SLC10A7: variants seen among roughly 807,000 people sequenced by gnomAD.
SLC10A7 encodes sodium/bile acid cotransporter 7.
In SLC10A7, 29 loss-of-function variants were observed where a neutral mutation model predicts 43.2. The ratio of observed to expected loss-of-function variants is 0.67; its 90% CI spans 0.50 to 0.92. The LOEUF is 0.92. Among genes scored for constraint, SLC10A7 ranks in the 40% least tolerant of loss-of-function variants. The pLI is 0.00. For missense variants in SLC10A7, 295 were observed against 403.2 expected, an observed-to-expected ratio of 0.73 and a Z score of 2.30; for synonymous variants, 152 against 144.8, an observed-to-expected ratio of 1.05 and a Z score of -0.35.
intron 6 of SLC10A7, among the ~76,000 whole-genome samples, chr4:146,323,562 C>T (rs1732887991): frequency 6.6e-6 from 1 of 152,132 alleles, no homozygotes; most frequent in African/African-American, 2.4e-5. Flanking sequence ...TTTCTGAGGG[C>T]TTTGTTCTGT....
chr4:146,467,845 G>A (rs773169964), intron 4 of SLC10A7, among the ~76,000 whole-genome samples: 4 of 152,186 alleles, frequency 2.6e-5, no homozygotes, highest in Non-Finnish European at 4.4e-5. Context: ...TTACAGGCAT[G>A]AGCCACCGCA....
intron 4 of SLC10A7, among the ~76,000 whole-genome samples, chr4:146,445,637 C>T (rs1730985646): frequency 1.3e-5 from 2 of 152,046 alleles, no homozygotes; most frequent in Admixed American, 6.5e-5. Context: ...CTCTTGGTAC[C>T]CGAGTTCTTG....
rs553382664 is a variant in SLC10A7, at chr4:146,281,274, T to A, written c.847+1918A>T. On this transcript the variant is annotated intron_variant, in intron 10 of 11. Coordinates refer to ENST00000335472, the MANE Select transcript of SLC10A7 (RefSeq NM_001029998.6). ...CACACTGCTGTGTGCTTCCTGAGTA[T>A]GCGTTTTGCTCTTTGTTCAGCACAA... Among the ~76,000 whole-genome samples the A allele has an allele frequency of 3.3e-5, 5 of 152,238 alleles. No homozygotes were observed. The East Asian group carries it at 9.6e-4, about 29-fold the overall frequency.
chr4:146,303,622 C>T (rs1277534611), intron 7 of SLC10A7, among the ~76,000 whole-genome samples: 4 of 152,038 alleles, frequency 2.6e-5, no homozygotes, highest in Admixed American at 1.3e-4. Flanking sequence ...TCAGGTGATC[C>T]GCCCATCTCA....
chr4:146,388,501 G>A (rs1033146821), intron 5 of SLC10A7, among the ~76,000 whole-genome samples: 1 of 152,150 alleles, frequency 6.6e-6, no homozygotes, highest in Non-Finnish European at 1.5e-5. Context: ...GATCACGCCT[G>A]TAATCCCAGG....
chr4:146,424,733 T>G lies in SLC10A7; in HGVS notation c.435+18050A>C, dbSNP rs538440186. ...ACCATGAGTTAAATATAAAACCATA[T>G]TTGAGACTCTGAAAATGAACTGACT... is the stretch of plus-strand genomic sequence containing the variant. On this transcript the variant is annotated intron_variant, in intron 5 of 11. Transcript: ENST00000335472. 1.2e-4 allele frequency among the ~76,000 whole-genome samples: 19 copies of G among 152,082 alleles called. No homozygotes were observed. In the South Asian group the frequency reaches 2.7e-3, roughly 22 times the overall value.
intron 5 of SLC10A7, among the ~76,000 whole-genome samples, chr4:146,412,412 GTAATGACTGA>G (rs1728261810): frequency 6.6e-6 from 1 of 152,092 alleles, no homozygotes. Flanking sequence ...GCCATTAACT[GTAATGACTGA>G]TAACATTTAT....
intron 4 of SLC10A7, among the ~76,000 whole-genome samples, chr4:146,443,645 C>T (rs958092570): frequency 2.0e-5 from 3 of 152,110 alleles, no homozygotes; most frequent in Non-Finnish European, 4.4e-5. Flanking sequence ...ATACCCAGAG[C>T]AGAATTAAAT....
intron 5 of SLC10A7, among the ~76,000 whole-genome samples, chr4:146,369,946 C>T (rs909245435): frequency 5.9e-5 from 9 of 152,008 alleles, no homozygotes; most frequent in African/African-American, 2.2e-4. Flanking sequence ...GTTAACCTAC[C>T]AATTTAAACA....
At chr4:146,418,488 TA>T (rs564860839) in intron 5 of SLC10A7, among the ~76,000 whole-genome samples, 121 of 152,326 alleles carry the variant, frequency 7.9e-4, no homozygotes, top group Non-Finnish European at 1.5e-3. Context: ...TGTTTTAGCC[TA>T]AAAGCTACAT....
chr4:146,256,554 A>T, intron 11 of SLC10A7, 34 bp from the exon 12 acceptor site: 1 of 1,611,734 alleles, frequency 6.2e-7, no homozygotes, highest in Non-Finnish European at 8.5e-7. Flanking sequence ...AGAGTTGGAC[A>T]GTATCCATGA....
At chr4:146,313,529 T>A (rs889458288) in intron 6 of SLC10A7, among the ~76,000 whole-genome samples, 2 of 152,158 alleles carry the variant, frequency 1.3e-5, no homozygotes, top group South Asian at 2.1e-4. Flanking sequence ...ATGGCTAGTT[T>A]TTTTTCAAGT....
intron 5 of SLC10A7, among the ~76,000 whole-genome samples, chr4:146,334,032 C>G (rs150122671): frequency 3.5e-4 from 53 of 152,086 alleles, no homozygotes; most frequent in African/African-American, 1.2e-3. Flanking sequence ...GGGAGAGTGT[C>G]AAAACAGAAG....
At chr4:146,457,283 G>C (rs1732146108) in intron 4 of SLC10A7, among the ~76,000 whole-genome samples, 1 of 150,836 alleles carries the variant, frequency 6.6e-6, no homozygotes, top group South Asian at 2.1e-4. Flanking sequence ...TATATTTATG[G>C]GGTATATGAG....
At chr4:146,332,989 C>T (rs78390396) in intron 5 of SLC10A7, among the ~76,000 whole-genome samples, 133 of 152,266 alleles carry the variant, frequency 8.7e-4, no homozygotes, top group African/African-American at 3.1e-3. Flanking sequence ...AACGACATTA[C>T]ATTTAATTAA....
chr4:146,257,146 C>A (rs6856256), intron 11 of SLC10A7, among the ~76,000 whole-genome samples: 3,326 of 152,150 alleles, frequency 0.022, 110 homozygotes, highest in African/African-American at 0.076. Context: ...TTTACATGTA[C>A]AAATTCTGAC....
intron 4 of SLC10A7, among the ~76,000 whole-genome samples, chr4:146,494,961 C>G (rs1297896498): frequency 6.6e-6 from 1 of 152,194 alleles, no homozygotes; most frequent in Admixed American, 6.5e-5. Flanking sequence ...ATACAGTCAA[C>G]TCTTTCTACC....
At chr4:146,270,659 T>C (rs939982903) in intron 10 of SLC10A7, among the ~76,000 whole-genome samples, 3 of 152,146 alleles carry the variant, frequency 2.0e-5, no homozygotes, top group East Asian at 3.8e-4. Context: ...AGGTCTGGTA[T>C]TGCGGTGGAG....
At chr4:146,427,569 GT>G (rs1729464708) in intron 5 of SLC10A7, among the ~76,000 whole-genome samples, 2 of 152,140 alleles carry the variant, frequency 1.3e-5, no homozygotes, top group Non-Finnish European at 2.9e-5. Context: ...AAAAATATCT[GT>G]GAATTAAAGG....
Sources: gnomAD v4.1 joint callset for allele counts (sites outside exome capture counted in the v4.1 genomes callset) on GRCh38, gnomAD v4.1.1 for gene constraint, MANE v1.5 for transcripts, NCBI Gene and HGNC (gene_info 2026-07-23, HGNC 2026-07-21) for gene names.